The following KIAA1614 variants were observed in gnomAD, a reference collection of about 807,000 sequenced individuals.
The protein encoded by KIAA1614 is KIAA1614, also known as uncharacterized protein KIAA1614.
KIAA1614 carries 76 observed loss-of-function variants against 88.7 expected under a neutral mutation model. That is an observed-to-expected ratio of 0.86 (90% CI 0.71 to 1.04). The LOEUF is 1.04. Ranked by LOEUF, KIAA1614 falls within the 50% of genes least tolerant of loss-of-function variation. KIAA1614 has a pLI of 0.00. For missense variants in KIAA1614, 1,553 were observed against 1,582.5 expected, an observed-to-expected ratio of 0.98 and a Z score of 0.32; for synonymous variants, 714 against 675.5, an observed-to-expected ratio of 1.06 and a Z score of -0.88.
Position 180,941,135 on chromosome 1 carries a change from C to T in KIAA1614, c.3009C>T (p.Thr1003=). The T allele has an allele frequency of 1.9e-6, 3 of 1,613,582 alleles. No homozygotes were observed. Among genetic ancestry groups the T allele is most frequent in the South Asian group, 1.1e-5 (1 of 91,068 alleles). ...AAAGGAGCAGCAGCATAGCCTCCAC[C>T]CTGGGGCTGAAAAAGCTCTTCTCAG... ...NKKRSSSIAS[T]LGLKKLFSAL... is the part of the protein sequence containing the mutation. Residue 1003 remains threonine, a synonymous_variant, in exon 7 of 9, where the codon ACC becomes ACT. Coordinates refer to ENST00000367588, the MANE Select transcript of KIAA1614 (RefSeq NM_020950.2).
At chr1:180,943,424 T>C (rs1405204073) in intron 7 of KIAA1614, among the ~76,000 whole-genome samples, 1 of 120,054 alleles carries the variant, frequency 8.3e-6, no homozygotes, top group Admixed American at 8.9e-5. Context: ...TATATACATG[T>C]GCACACCATG....
In KIAA1614 at chr1:180,936,455, G is replaced by T; in HGVS notation, c.2546G>T (p.Ser849Ile). The change falls in exon 5 of 9, where the codon AGC becomes ATC. Residue 849 changes from serine to isoleucine, a missense_variant. Transcript: ENST00000367588. Reference sequence around the variant, plus strand: ...GGTATCCCTCGGCCTCCTTCAAGAAGCGCGGTTCTCAGGACCTGTGAGCTG... The same window carrying T: ...GGTATCCCTCGGCCTCCTTCAAGAATCGCGGTTCTCAGGACCTGTGAGCTG... ...PVGIPRPPSR[S>I]AVLRTCELPP... The T allele has an allele frequency of 6.2e-7, 1 of 1,614,054 alleles. No homozygotes were observed.
chr1:180,914,452 G>A (rs181790082), intron 1 of KIAA1614, among the ~76,000 whole-genome samples: 302 of 152,320 alleles, frequency 2.0e-3, no homozygotes, highest in Non-Finnish European at 3.5e-3. Flanking sequence ...AGAAGCTTTG[G>A]TTTCCAAACT....
At chr1:180,934,037 C>T (rs12091773) in intron 4 of KIAA1614, among the ~76,000 whole-genome samples, 3,966 of 152,210 alleles carry the variant, frequency 0.026, 32 homozygotes, top group Middle Eastern at 0.034. Context: ...GGCAGATCAC[C>T]TGAGGTCGGG....
intron 7 of KIAA1614, among the ~76,000 whole-genome samples, chr1:180,942,889 A>G (rs573815832): frequency 5.3e-5 from 8 of 152,208 alleles, no homozygotes; most frequent in East Asian, 1.9e-4. Context: ...GAACTGAAAA[A>G]AGACAGAAAT....
At chr1:180,944,616 G>T in intron 8 of KIAA1614, 100 bp downstream of exon 8, 1 of 1,374,474 alleles carries the variant, frequency 7.3e-7, no homozygotes, top group Non-Finnish European at 9.8e-7. Flanking sequence ...CTCTGAGCAG[G>T]GTCCTTTGAA....
In KIAA1614 at chr1:180,941,261, C is replaced by A. The variant is rs144194721; in HGVS notation, c.3135C>A (p.Ala1045=). ...CTGGCCTGACGTCACAGTCCAGGGC[C>A]CCATCGTTACAATCCCTGCACCCGG... ...APPGLTSQSR[A]PSLQSLHPVS... Residue 1045 remains alanine, a synonymous_variant, in exon 7 of 9, where the codon GCC becomes GCA. Transcript: ENST00000367588. 3,057 of 1,611,492 alleles carry A rather than the reference C, an allele frequency of 1.9e-3. 8 individuals are homozygous for A. Among genetic ancestry groups the A allele is most frequent in the South Asian group, 3.2e-3 (295 of 90,968 alleles).
In KIAA1614 at chr1:180,916,910, G is replaced by A. The variant is rs897443769; in HGVS notation, c.807G>A (p.Thr269=). 5.0e-6 allele frequency: 8 copies of A among 1,614,130 alleles called. No individual in the cohort carries two copies. The highest frequency in any genetic ancestry group is 1.7e-5 in the Admixed American group (1 of 60,014). The stretch of plus-strand genomic sequence containing the variant: ...CCGAGGAGGTCTTTGTCCCCAGGAC[G>A]GCCCTGCTGGGTGAGCGCTGGAGAG... ...LTSEEVFVPR[T]ALLGERWRAG... The change falls in exon 2 of 9, where the codon ACG becomes ACA. Residue 269 remains threonine, a synonymous_variant. Coordinates refer to ENST00000367588, the MANE Select transcript of KIAA1614 (RefSeq NM_020950.2).
chr1:180,935,762 C>T lies in KIAA1614; in HGVS notation c.1853C>T (p.Ser618Phe). 1 of 1,613,910 alleles carries T rather than the reference C, an allele frequency of 6.2e-7. No individual in the cohort carries two copies. Among genetic ancestry groups the T allele is most frequent in the South Asian group, 1.1e-5 (1 of 91,086 alleles). Residue 618 changes from serine (S) to phenylalanine (F), a missense_variant, in exon 5 of 9, where the codon TCT becomes TTT. Physicochemically the swap from Ser to Phe is radical, Grantham distance 155. Transcript: ENST00000367588. The surrounding 1 kb of genome is among the most constrained non-coding windows in gnomAD (Gnocchi z 6.1). The part of the protein sequence containing the change: ...VDSALDSTDN[S>F]DNCRTDSEEA... Reference sequence around the variant, plus strand: ...TCTGCCCTGGACAGCACAGACAACTCTGACAACTGCAGGACCGACAGTGAG... The same window carrying T: ...TCTGCCCTGGACAGCACAGACAACTTTGACAACTGCAGGACCGACAGTGAG...
In KIAA1614 at chr1:180,935,798, C is replaced by T. The variant is rs781594767; in HGVS notation, c.1889C>T (p.Thr630Ile). 1.9e-6 allele frequency: 3 copies of T among 1,613,730 alleles called. 1 individual carries two copies. In the South Asian group the frequency reaches 3.3e-5, roughly 18 times the overall value. Reference sequence around the variant, plus strand: ...AGGACCGACAGTGAGGAGGCGGGGACCTCTCAGGCTGGCTGGGCGTGTGGG... The same window carrying T: ...AGGACCGACAGTGAGGAGGCGGGGATCTCTCAGGCTGGCTGGGCGTGTGGG... Reference protein sequence around the residue: ...NCRTDSEEAGTSQAGWACGRT... With the variant: ...NCRTDSEEAGISQAGWACGRT... Residue 630 changes from threonine to isoleucine, a missense_variant, in exon 5 of 9, where the codon ACC (threonine) becomes ATC (isoleucine). Physicochemically the swap from Thr to Ile is moderately conservative, Grantham distance 89. Transcript: ENST00000367588. This position sits in a 1 kb window ranked among gnomAD's most constrained non-coding sequence, Gnocchi z 6.1.
At chr1:180,920,784 A>G (rs941913411) in intron 3 of KIAA1614, among the ~76,000 whole-genome samples, 8 of 152,068 alleles carry the variant, frequency 5.3e-5, no homozygotes, top group Admixed American at 5.2e-4. Flanking sequence ...GGAGGCAACG[A>G]CCCAGGACCT....
At chr1:180,941,006 G>GGCGC in intron 6 of KIAA1614, 39 bp from the exon 7 acceptor site, 2 of 908,444 alleles carry the variant, frequency 2.2e-6, no homozygotes, top group Non-Finnish European at 3.1e-6. Flanking sequence ...CACCCTCCCG[G>GGCGC]CCCTCCCCCG....
Position 180,945,958 on chromosome 1 carries a change from C to A in KIAA1614, c.*370C>A. On this transcript the variant is annotated 3_prime_UTR_variant, in exon 9 of 9. Coordinates refer to ENST00000367588, the MANE Select transcript of KIAA1614 (RefSeq NM_020950.2). ...ATGTCTACTAAAAATACAAAATTAG[C>A]TGGGCGTGGTGGCGCATGCCTATAA... 3.8e-6 allele frequency: 1 copy of A among 264,814 alleles called. No homozygotes were observed. Among genetic ancestry groups the A allele is most frequent in the Non-Finnish European group, 6.0e-6 (1 of 167,222 alleles). The allele number at this position is 264,814 out of a possible 1,614,324, so 16.4% of individuals were successfully genotyped here.
At position 180,917,117 on chromosome 1, in the gene KIAA1614, A is replaced by G. The variant is rs1307481682; in HGVS notation, c.997+17A>G. The stretch of plus-strand genomic sequence containing the variant: ...CTGCACCAGGTGAAGCTCACTGTGT[A>G]GGTCCAGGTGGTGGGGGGAGCAGGA... On this transcript the variant is annotated intron_variant, in intron 2 of 8. Transcript: ENST00000367588. 5 of 1,599,330 alleles carry G rather than the reference A, an allele frequency of 3.1e-6. No homozygotes were observed. Among genetic ancestry groups the G allele is most frequent in the Non-Finnish European group, 4.3e-6 (5 of 1,169,994 alleles).
intron 4 of KIAA1614, among the ~76,000 whole-genome samples, chr1:180,929,740 C>T (rs1470861335): frequency 6.6e-6 from 1 of 152,240 alleles, no homozygotes; most frequent in Non-Finnish European, 1.5e-5. Context: ...GATGAGGCCA[C>T]CAGGCTATGC....
Position 180,935,271 on chromosome 1 carries a change from TGAGTCCGCCCGCGAAGCC to T in KIAA1614, c.1367_1384del (p.Ser456_Glu461del). ...CGCCGTCGCACGTGCGCTTTGAGGATGAGTCCGCCCGCGAAGCCGAGTTCCGTCACCTGGAGCGGCTGC... is the reference window on the plus strand; with the variant it reads ...CGCCGTCGCACGTGCGCTTTGAGGATGAGTTCCGTCACCTGGAGCGGCTGC... On this transcript the variant is annotated inframe_deletion, in exon 5 of 9. Coordinates refer to ENST00000367588, the MANE Select transcript of KIAA1614 (RefSeq NM_020950.2). The surrounding 1 kb of genome is among the most constrained non-coding windows in gnomAD (Gnocchi z 6.1). 6.6e-7 allele frequency: 1 copy of T among 1,516,094 alleles called. No homozygotes were observed. Among genetic ancestry groups the T allele is most frequent in the Non-Finnish European group, 8.8e-7 (1 of 1,135,294 alleles). 93.9% of individuals were successfully genotyped at this position (1,516,094 alleles called of 1,614,324 possible).
At chr1:180,945,143 G>A in intron 8 of KIAA1614, 160 bp from the exon 9 acceptor site, 1 of 779,890 alleles carries the variant, frequency 1.3e-6, no homozygotes, top group Non-Finnish European at 1.9e-6. Context: ...CACCAGTTTT[G>A]GCCCTAGCAG....
At chr1:180,927,809 C>T (rs1467296366) in intron 3 of KIAA1614, among the ~76,000 whole-genome samples, 1 of 152,164 alleles carries the variant, frequency 6.6e-6, no homozygotes, top group Non-Finnish European at 1.5e-5. Context: ...TTTCTCTCAG[C>T]CCTGAGCCTG....
Position 180,944,620 on chromosome 1 carries a change from C to T in KIAA1614, c.3287+104C>T, listed in dbSNP as rs946994102. 1.2e-5 allele frequency: 16 copies of T among 1,314,402 alleles called. No individual in the cohort carries two copies. The Admixed American group carries it at 2.9e-4, about 24-fold the overall frequency. The allele number at this position is 1,314,402 out of a possible 1,614,324, so 81.4% of individuals were successfully genotyped here. A position where few individuals can be genotyped will look rare whatever the true frequency, so the allele number is the denominator to read the frequency against. On this transcript the variant is annotated intron_variant, in intron 8 of 8. Transcript: ENST00000367588. ...CAGCATCATGGCTCTGAGCAGGGTC[C>T]TTTGAAGGGAAAGCAACAGGACATG...
Sources: allele counts gnomAD v4.1 joint callset (sites outside exome capture counted in the v4.1 genomes callset), GRCh38; gene constraint gnomAD v4.1.1; non-coding constraint Gnocchi (gnomAD v3.1); transcripts MANE v1.5; gene names NCBI Gene and HGNC (gene_info 2026-07-23, HGNC 2026-07-21).